The following FNDC3B variants were observed in gnomAD, a reference collection of about 807,000 sequenced individuals.
FNDC3B encodes fibronectin type III domain-containing protein 3B.
Under a neutral mutation model 151.5 loss-of-function variants are expected in FNDC3B, and 12 were observed. The observed-to-expected ratio is 0.08, with a 90% CI of 0.05 to 0.13. FNDC3B has a LOEUF of 0.13. Ranked by LOEUF, FNDC3B falls within the 10% of genes least tolerant of loss-of-function variation. The probability of loss-of-function intolerance (pLI) is 1.00; values close to 1 mark genes in which losing one functional copy is unlikely to be tolerated. For missense variants in FNDC3B, 1,214 were observed against 1,505.3 expected (o/e 0.81, Z 3.20); for synonymous variants, 528 against 549.0 (o/e 0.96, Z 0.54).
chr3:172,344,463 T>A lies in FNDC3B; in HGVS notation c.2250+205T>A, dbSNP rs140085767. On this transcript the variant is annotated intron_variant, in intron 19 of 25. Coordinates refer to ENST00000415807, the MANE Select transcript of FNDC3B (RefSeq NM_022763.4). ...CCCAGCATTAGAAGTTTTCTGTTTC[T>A]TTTGTCCTCATATCATTCTATGAAG... Among the ~76,000 whole-genome samples, 1,402 of 152,336 alleles carry A rather than the reference T, an allele frequency of 9.2e-3. 14 individuals are homozygous for A. The highest frequency in any genetic ancestry group is 0.048 in the Middle Eastern group (14 of 294).
At chr3:172,126,882 C>A in intron 2 of FNDC3B, 2 of 319,252 alleles carry the variant, frequency 6.3e-6, no homozygotes, top group South Asian at 5.1e-5. Flanking sequence ...GTAATTCAAA[C>A]CATTTTGTAG....
chr3:172,246,303 C>T (rs1485816279), intron 4 of FNDC3B, among the ~76,000 whole-genome samples: 14 of 152,132 alleles, frequency 9.2e-5, no homozygotes, highest in Admixed American at 3.3e-4. Flanking sequence ...AGGTTTACTC[C>T]GTGTCCACTT....
chr3:172,319,815 G>A (rs1279110770), intron 11 of FNDC3B, among the ~76,000 whole-genome samples: 5 of 152,224 alleles, frequency 3.3e-5, no homozygotes, highest in Non-Finnish European at 7.3e-5. Flanking sequence ...TCTAAATATA[G>A]ACACTCTAGC....
rs1251987202 is a variant in FNDC3B, at chr3:172,343,072, G to C, written c.2033G>C (p.Arg678Thr). Residue 678 changes from arginine to threonine, a missense_variant, in exon 18 of 26, where the codon AGG becomes ACG. By Grantham distance (71) the Arg-to-Thr change is moderately conservative. Transcript: ENST00000415807. ...SIAPGQCRPP[R>T]VLGRPKHKEV... ...GCACCAGGTCAATGTCGACCACCGA[G>C]GGTTTTGGGTAGACCAAAGCACAAA... 1.2e-6 allele frequency: 2 copies of C among 1,613,300 alleles called. No individual in the cohort carries two copies. The highest frequency in any genetic ancestry group is 1.1e-5 in the South Asian group (1 of 91,074).
At chr3:172,305,931 C>G (rs548856795) in intron 9 of FNDC3B, among the ~76,000 whole-genome samples, 1 of 152,314 alleles carries the variant, frequency 6.6e-6, no homozygotes, top group East Asian at 1.9e-4. Flanking sequence ...AGGACCTTTT[C>G]CTTCATCAGG....
intron 3 of FNDC3B, among the ~76,000 whole-genome samples, chr3:172,173,148 C>T (rs1252840550): frequency 1.3e-5 from 2 of 152,002 alleles, no homozygotes; most frequent in Non-Finnish European, 2.9e-5. Context: ...AGAGATAAAG[C>T]GAAACGATGG....
intron 1 of FNDC3B, among the ~76,000 whole-genome samples, chr3:172,080,628 C>T (rs1718237078): frequency 1.3e-5 from 2 of 152,052 alleles, no homozygotes; most frequent in Non-Finnish European, 2.9e-5. Context: ...ACCTGCCCTT[C>T]TAGTGTTGTT....
chr3:172,197,692 C>T (rs187541434), intron 3 of FNDC3B, among the ~76,000 whole-genome samples: 3 of 152,306 alleles, frequency 2.0e-5, no homozygotes, highest in Non-Finnish European at 4.4e-5. Context: ...TACAGGTCAG[C>T]TGTTTTGTAG....
intron 1 of FNDC3B, among the ~76,000 whole-genome samples, chr3:172,052,330 G>C (rs990128606): frequency 6.6e-6 from 1 of 151,666 alleles, no homozygotes; most frequent in Admixed American, 6.6e-5. Flanking sequence ...CGCCCACCTT[G>C]GCGTCCCTAA....
chr3:172,161,528 G>A (rs1248897502), intron 3 of FNDC3B, among the ~76,000 whole-genome samples: 1 of 152,200 alleles, frequency 6.6e-6, no homozygotes, highest in African/African-American at 2.4e-5. Context: ...TGGAAACAAA[G>A]CCATTTGATA....
rs1723234942 is a variant in FNDC3B, at chr3:172,170,604, G to C, written c.187+37058G>C. ...CCCCTCCTAGCTGTTCCAGTAGCCA[G>C]GTGGGCTTGGCAGAGACTATGAAAG... On this transcript the variant is annotated intron_variant, in intron 3 of 25. Coordinates refer to ENST00000415807, the MANE Select transcript of FNDC3B (RefSeq NM_022763.4). 2.0e-5 allele frequency among the ~76,000 whole-genome samples: 3 copies of C among 152,218 alleles called. No individual in the cohort carries two copies. In the South Asian group the frequency reaches 6.2e-4, roughly 31 times the overall value.
Position 172,144,760 on chromosome 3 carries a change from C to G in FNDC3B, c.187+11214C>G, listed in dbSNP as rs374762504. ...TTCCTTTTCCTCAACTTGGGTATTT[C>G]CTCTCTGAAGAGGGTTTTCAGTGTC... On this transcript the variant is annotated intron_variant, in intron 3 of 25. Coordinates refer to ENST00000415807, the MANE Select transcript of FNDC3B (RefSeq NM_022763.4). 4.6e-5 allele frequency among the ~76,000 whole-genome samples: 7 copies of G among 151,348 alleles called. No homozygotes were observed. In the East Asian group the frequency reaches 1.2e-3, roughly 25 times the overall value.
intron 3 of FNDC3B, among the ~76,000 whole-genome samples, chr3:172,156,437 G>A (rs952451873): frequency 3.3e-5 from 5 of 152,198 alleles, no homozygotes; most frequent in Non-Finnish European, 5.9e-5. Flanking sequence ...GGAAGTGTGC[G>A]CAAGACATAG....
At chr3:172,315,326 A>G (rs1231157794) in intron 11 of FNDC3B, among the ~76,000 whole-genome samples, 1 of 152,208 alleles carries the variant, frequency 6.6e-6, no homozygotes, top group Non-Finnish European at 1.5e-5. Context: ...GCAGTGAGCC[A>G]AGATTGCACC....
At chr3:172,157,816 CT>C (rs1722570983) in intron 3 of FNDC3B, among the ~76,000 whole-genome samples, 1 of 152,148 alleles carries the variant, frequency 6.6e-6, no homozygotes, top group Non-Finnish European at 1.5e-5. Context: ...TTGAACATGA[CT>C]TTTAGTTTTT....
At chr3:172,162,516 G>T (rs1196216390) in intron 3 of FNDC3B, among the ~76,000 whole-genome samples, 1 of 152,154 alleles carries the variant, frequency 6.6e-6, no homozygotes, top group Non-Finnish European at 1.5e-5. Context: ...GAGTGGAATT[G>T]CTGGGCCTTA....
At position 172,330,218 on chromosome 3, in the gene FNDC3B, C is replaced by T. The variant is rs185660033; in HGVS notation, c.1380-323C>T. On this transcript the variant is annotated intron_variant, in intron 12 of 25. Coordinates refer to ENST00000415807, the MANE Select transcript of FNDC3B (RefSeq NM_022763.4). The stretch of plus-strand genomic sequence containing the variant: ...ACACATCCTTCTCTCCTTAAATCTT[C>T]TCTAACTTGCTTATAATATCCAATA... 7.1e-3 allele frequency: 1,349 copies of T among 191,142 alleles called. 6 individuals carry two copies. The highest frequency in any genetic ancestry group is 9.7e-3 in the Non-Finnish European group (910 of 93,370). 11.8% of individuals were successfully genotyped at this position (191,142 alleles called of 1,614,324 possible).
At chr3:172,334,898 T>C in intron 14 of FNDC3B, 46 bp from the exon 15 acceptor site, 1 of 1,573,202 alleles carries the variant, frequency 6.4e-7, no homozygotes, top group Non-Finnish European at 8.7e-7. Flanking sequence ...AATTTAATGA[T>C]CCCTGATAAC....
At chr3:172,329,753 G>T (rs1019796926) in intron 12 of FNDC3B, 6 of 152,084 alleles carry the variant, frequency 3.9e-5, no homozygotes, top group African/African-American at 1.4e-4. Context: ...CCAACCTAAA[G>T]AACCTCTTTT....
Sources: gnomAD v4.1 joint callset for allele counts (sites outside exome capture counted in the v4.1 genomes callset) on GRCh38, gnomAD v4.1.1 for gene constraint, MANE v1.5 for transcripts, NCBI Gene and HGNC (gene_info 2026-07-23, HGNC 2026-07-21) for gene names.